The following SLC27A1 variants were observed in gnomAD, a reference collection of about 807,000 sequenced individuals.
The protein encoded by SLC27A1 is solute carrier family 27 member 1, also known as long-chain fatty acid transport protein 1.
In SLC27A1, 61 loss-of-function variants were observed where a neutral mutation model predicts 62.2. The observed-to-expected ratio is 0.98, with a 90% CI of 0.80 to 1.21. The LOEUF (loss-of-function observed/expected upper bound fraction) is 1.21, where lower values mean the gene tolerates loss of function less well. SLC27A1 is among the 50% of genes most tolerant of loss of function. The pLI, the probability that SLC27A1 is intolerant of heterozygous loss-of-function variation, is 0.00. For missense variants in SLC27A1, 903 were observed against 932.1 expected, an observed-to-expected ratio of 0.97 and a Z score of 0.41; for synonymous variants, 435 against 408.6, an observed-to-expected ratio of 1.06 and a Z score of -0.78.
intron 1 of SLC27A1, among the ~76,000 whole-genome samples, chr19:17,479,182 G>C (rs1371586341): frequency 6.6e-6 from 1 of 152,086 alleles, no homozygotes; most frequent in Non-Finnish European, 1.5e-5. Context: ...GAGGCAGGCG[G>C]ATCACCTGAG....
In SLC27A1 at chr19:17,501,370, C is replaced by T; in HGVS notation, c.1734C>T (p.Pro578=). 6.2e-7 allele frequency: 1 copy of T among 1,613,902 alleles called. No individual in the cohort carries two copies. Among genetic ancestry groups the T allele is most frequent in the Non-Finnish European group, 8.5e-7 (1 of 1,179,944 alleles). The part of the protein sequence containing the change: ...IYQELQKVLA[P]YARPIFLRLL... ...AGGAGCTGCAGAAGGTGCTGGCACC[C>T]TATGCCCGGCCCATCTTCCTGCGCC... is the stretch of plus-strand genomic sequence containing the variant. The change falls in exon 11 of 12, where the codon CCC becomes CCT. Residue 578 remains proline, a synonymous_variant. Transcript: ENST00000252595.
In SLC27A1 at chr19:17,486,914, C is replaced by G; in HGVS notation, c.519C>G (p.Thr173=). 1 of 1,592,224 alleles carries G rather than the reference C, an allele frequency of 6.3e-7. No individual in the cohort carries two copies. The highest frequency in any genetic ancestry group is 1.1e-5 in the South Asian group (1 of 89,976). Residue 173 remains threonine (T), a synonymous_variant, in exon 2 of 12, where the codon ACC becomes ACG. Transcript: ENST00000252595. The surrounding 1 kb of genome is among the most constrained non-coding windows in gnomAD (Gnocchi z 6.6). ...RREPLAFCLG[T]SGAKALIFGG... ...AGCCCCTGGCCTTCTGCCTGGGCAC[C>G]TCGGGCGCTAAGGCCCTGATCTTTG...
chr19:17,486,616 C>G lies in SLC27A1; in HGVS notation c.221C>G (p.Ala74Gly), dbSNP rs2075232575. 2 of 1,596,032 alleles carry G rather than the reference C, an allele frequency of 1.3e-6. No homozygotes were observed. Among genetic ancestry groups the G allele is most frequent in the African/African-American group, 2.7e-5 (2 of 74,794 alleles). Residue 74 changes from alanine to glycine, a missense_variant, in exon 2 of 12, where the codon GCC becomes GGC. By Grantham distance (60) the Ala-to-Gly change is moderately conservative (BLOSUM62 0). Transcript: ENST00000252595. This position sits in a 1 kb window ranked among gnomAD's most constrained non-coding sequence, Gnocchi z 6.6. ...CTGGAGCTGCGGCGGCACCAGCGTG[C>G]CGGCCACACCATCCCGCGCATCTTT... is the stretch of plus-strand genomic sequence containing the variant. Reference protein sequence around the residue: ...VRLELRRHQRAGHTIPRIFQA... With the variant: ...VRLELRRHQRGGHTIPRIFQA...
rs142845009 is a variant in SLC27A1, at chr19:17,489,082, C to T, written c.961C>T (p.Arg321Cys). Residue 321 changes from arginine (R) to cysteine (C), a missense_variant, in exon 6 of 12, where the codon CGC (arginine) becomes TGC (cysteine). Coordinates refer to ENST00000252595, the MANE Select transcript of SLC27A1 (RefSeq NM_198580.3). Reference protein sequence around the residue: ...VVLRKKFSASRFWDDCIKYNC... With the variant: ...VVLRKKFSASCFWDDCIKYNC... The stretch of plus-strand genomic sequence containing the variant: ...CCTCCGCAAGAAATTCTCGGCCAGC[C>T]GCTTCTGGGACGACTGCATCAAGTA... 1.2e-6 allele frequency: 2 copies of T among 1,614,172 alleles called. No individual in the cohort carries two copies. The highest frequency in any genetic ancestry group is 1.7e-6 in the Non-Finnish European group (2 of 1,180,014).
Position 17,486,794 on chromosome 19 carries a change from C to T in SLC27A1, c.399C>T (p.Ile133=). The T allele has an allele frequency of 6.2e-7, 1 of 1,601,338 alleles. No individual in the cohort carries two copies. Among genetic ancestry groups the T allele is most frequent in the Non-Finnish European group, 8.5e-7 (1 of 1,174,858 alleles). The change falls in exon 2 of 12, where the codon ATC becomes ATT. Residue 133 remains isoleucine (I), a synonymous_variant. Transcript: ENST00000252595. The surrounding 1 kb of genome is among the most constrained non-coding windows in gnomAD (Gnocchi z 6.6). ...LGFAPGDVVA[I]FLEGRPEFVG... ...TCGCGCCGGGCGACGTGGTGGCCAT[C>T]TTCCTGGAGGGCCGGCCGGAGTTCG...
chr19:17,492,641 A>G (rs1264952604), intron 6 of SLC27A1, among the ~76,000 whole-genome samples: 1 of 150,574 alleles, frequency 6.6e-6, no homozygotes, highest in Non-Finnish European at 1.5e-5. Context: ...AAAAAGAAAA[A>G]GAAATAGAGG....
chr19:17,489,218 C>T lies in SLC27A1; in HGVS notation c.996+101C>T, dbSNP rs2075270750. 3.2e-6 allele frequency: 3 copies of T among 930,736 alleles called. No homozygotes were observed. In the Admixed American group the frequency reaches 6.7e-5, roughly 21 times the overall value. The allele number at this position is 930,736 out of a possible 1,614,324, so 57.7% of individuals were successfully genotyped here. On this transcript the variant is annotated intron_variant, in intron 6 of 11. Coordinates refer to ENST00000252595, the MANE Select transcript of SLC27A1 (RefSeq NM_198580.3). Reference sequence around the variant, plus strand: ...TCCTCCCGGTGAGGCCCCGTACCTCCCAGCAAAGCCCCACCTCCTCCTGGT... The same window carrying T: ...TCCTCCCGGTGAGGCCCCGTACCTCTCAGCAAAGCCCCACCTCCTCCTGGT...
At position 17,486,932 on chromosome 19, in the gene SLC27A1, G is replaced by A; in HGVS notation, c.537G>A (p.Leu179=). Residue 179 remains leucine (L), a synonymous_variant, in exon 2 of 12, where the codon CTG becomes CTA. Transcript: ENST00000252595. This position sits in a 1 kb window ranked among gnomAD's most constrained non-coding sequence, Gnocchi z 6.6. The stretch of plus-strand genomic sequence containing the variant: ...TGGGCACCTCGGGCGCTAAGGCCCT[G>A]ATCTTTGGAGGAGAAATGGTGGCGG... The part of the protein sequence containing the change: ...FCLGTSGAKA[L]IFGGEMVAAV... The A allele has an allele frequency of 6.3e-7, 1 of 1,585,742 alleles. No individual in the cohort carries two copies. Among genetic ancestry groups the A allele is most frequent in the Middle Eastern group, 1.7e-4 (1 of 5,970 alleles).
intron 10 of SLC27A1, 112 bp from the exon 11 acceptor site, chr19:17,501,161 G>C: frequency 1.4e-6 from 2 of 1,446,126 alleles, no homozygotes; most frequent in East Asian, 2.3e-5. Context: ...GTCATCCCAG[G>C]TTGGGAGAGA....
intron 6 of SLC27A1, 61 bp downstream of exon 6, chr19:17,489,178 C>T: frequency 7.1e-7 from 1 of 1,404,194 alleles, no homozygotes. Context: ...CACCCCCTCC[C>T]AATCAGGCCC....
chr19:17,494,020 C>CTTTTT (rs35491603), intron 6 of SLC27A1, among the ~76,000 whole-genome samples: 1 of 135,788 alleles, frequency 7.4e-6, no homozygotes, highest in African/African-American at 2.7e-5. Flanking sequence ...GTAGCTGTTT[C>CTTTTT]TTTTTTTTTT....
In SLC27A1 at chr19:17,486,043, C is replaced by T. The variant is rs1183525464; in HGVS notation, c.168-520C>T. 2.6e-5 allele frequency among the ~76,000 whole-genome samples: 4 copies of T among 152,166 alleles called. No individual in the cohort carries two copies. ...TCCTTACACCCCCCATCCACTGGCA[C>T]ATCTCCTGGCCCTACCTGGGGCAGG... On this transcript the variant is annotated intron_variant, in intron 1 of 11. Transcript: ENST00000252595. This position sits in a 1 kb window ranked among gnomAD's most constrained non-coding sequence, Gnocchi z 6.6.
Position 17,504,418 on chromosome 19 carries a change from C to T in SLC27A1, c.1784-37C>T, listed in dbSNP as rs191620523. On this transcript the variant is annotated intron_variant, in intron 11 of 11. Coordinates refer to ENST00000252595, the MANE Select transcript of SLC27A1 (RefSeq NM_198580.3). ...TGAGTTGAGGCCTCCCAGAAGCCAC[C>T]TGCTCAGCCCTTATCTGCCCCCCAT... 1.4e-5 allele frequency: 22 copies of T among 1,613,024 alleles called. No individual in the cohort carries two copies. In the East Asian group the frequency reaches 4.2e-4, roughly 31 times the overall value.
intron 1 of SLC27A1, among the ~76,000 whole-genome samples, chr19:17,481,972 G>A (rs993063294): frequency 1.3e-5 from 2 of 152,194 alleles, no homozygotes; most frequent in Admixed American, 6.5e-5. Flanking sequence ...TCGGGCTGGG[G>A]CCACGGGTGG....
chr19:17,481,918 G>A (rs1363332626), intron 1 of SLC27A1, among the ~76,000 whole-genome samples: 1 of 152,200 alleles, frequency 6.6e-6, no homozygotes, highest in African/African-American at 2.4e-5. Context: ...ACAGGTCCCT[G>A]CAGGGAGACC....
intron 6 of SLC27A1, chr19:17,496,329 T>A (rs1218964308): frequency 6.6e-6 from 1 of 152,008 alleles, no homozygotes; most frequent in East Asian, 1.9e-4. Flanking sequence ...GAAGCCCAAC[T>A]GGAGATGAGA....
At chr19:17,473,845 T>C (rs980206067) in intron 1 of SLC27A1, among the ~76,000 whole-genome samples, 2 of 152,170 alleles carry the variant, frequency 1.3e-5, no homozygotes, top group Non-Finnish European at 2.9e-5. Context: ...CTGGGCAACA[T>C]GAGCGAAACT....
chr19:17,489,465 C>A (rs762076181), intron 6 of SLC27A1, among the ~76,000 whole-genome samples: 42 of 148,888 alleles, frequency 2.8e-4, no homozygotes, highest in Middle Eastern at 3.4e-3. Context: ...AGAGCTAAAC[C>A]CTCCACGTGT....
At chr19:17,502,344 GTTTTTTTT>G (rs1231886797) in intron 11 of SLC27A1, among the ~76,000 whole-genome samples, 15 of 15,696 alleles carry the variant, frequency 9.6e-4, no homozygotes, top group African/African-American at 3.0e-3. Context: ...TGTTTTTTTT[GTTTTTTTT>G]TTTTTTTTTT....
Sources: gnomAD v4.1 joint callset for allele counts (sites outside exome capture counted in the v4.1 genomes callset) on GRCh38, gnomAD v4.1.1 for gene constraint, Gnocchi (gnomAD v3.1) non-coding constraint, MANE v1.5 for transcripts, NCBI Gene and HGNC (gene_info 2026-07-23, HGNC 2026-07-21) for gene names.